GDPD4: variants seen among roughly 807,000 people sequenced by gnomAD.
The protein encoded by GDPD4 is glycerophosphodiester phosphodiesterase 6.
In GDPD4, 60 loss-of-function variants were observed where a neutral mutation model predicts 67.8. That is an observed-to-expected ratio of 0.88 (90% CI 0.72 to 1.10). The LOEUF (loss-of-function observed/expected upper bound fraction) is 1.10, where lower values mean the gene tolerates loss of function less well. Ranked by LOEUF, GDPD4 falls within the 50% of genes least tolerant of loss-of-function variation. The pLI is 0.00. For missense variants in GDPD4, 623 were observed against 613.9 expected, an observed-to-expected ratio of 1.01 and a Z score of -0.16; for synonymous variants, 212 against 210.9, an observed-to-expected ratio of 1.00 and a Z score of -0.04.
chr11:77,295,830 G>A (rs1347694561), intron 1 of GDPD4, among the ~76,000 whole-genome samples: 2 of 152,046 alleles, frequency 1.3e-5, no homozygotes, highest in African/African-American at 4.8e-5. Flanking sequence ...AAAAAGGCAG[G>A]CCACAGATTG....
chr11:77,243,952 T>C, intron 12 of GDPD4, 104 bp from the exon 13 acceptor site: 1 of 720,518 alleles, frequency 1.4e-6, no homozygotes, highest in Non-Finnish European at 2.4e-6. Flanking sequence ...GGTAGTATTC[T>C]ACAGAGAGTA....
rs1959098474 is a variant in GDPD4 at position 77,260,663 on chromosome 11, G to A, written c.708-2121C>T. Reference sequence around the variant, plus strand: ...AAACAGTGTAGAACAAAATTATAAAGGTGTAAACAAGGTATGTAAAGGAAA... The same window carrying A: ...AAACAGTGTAGAACAAAATTATAAAAGTGTAAACAAGGTATGTAAAGGAAA... On this transcript the variant is annotated intron_variant, in intron 10 of 16. Transcript: ENST00000315938. 2.6e-5 allele frequency among the ~76,000 whole-genome samples: 4 copies of A among 152,074 alleles called. No homozygotes were observed. In the South Asian group the frequency reaches 8.3e-4, roughly 32 times the overall value.
intron 7 of GDPD4, 180 bp downstream of exon 7, chr11:77,270,950 C>A: frequency 3.6e-6 from 2 of 549,626 alleles, no homozygotes; most frequent in Non-Finnish European, 6.3e-6. Context: ...TATGACAGGC[C>A]ATTGGCCACT....
chr11:77,224,752 A>G (rs988284305), intron 16 of GDPD4, among the ~76,000 whole-genome samples: 2 of 152,196 alleles, frequency 1.3e-5, no homozygotes, highest in African/African-American at 4.8e-5. Flanking sequence ...GAGATAATAC[A>G]TTTGTATAGT....
chr11:77,228,047 G>T, intron 15 of GDPD4, 131 bp from the exon 16 acceptor site: 1 of 734,482 alleles, frequency 1.4e-6, no homozygotes, highest in Non-Finnish European at 2.4e-6. Context: ...TGCCTGCAAG[G>T]ATTCCCAAAT....
At chr11:77,244,161 G>A (rs776561416) in intron 12 of GDPD4, among the ~76,000 whole-genome samples, 4 of 152,056 alleles carry the variant, frequency 2.6e-5, no homozygotes, top group Non-Finnish European at 5.9e-5. Context: ...GACTACAGGC[G>A]CCCGCTACCA....
chr11:77,239,942 A>AC (rs1958632341), intron 13 of GDPD4, among the ~76,000 whole-genome samples: 1 of 150,688 alleles, frequency 6.6e-6, no homozygotes, highest in Non-Finnish European at 1.5e-5. Flanking sequence ...AGCCTAGATG[A>AC]CGGAGCAAGA....
chr11:77,243,815 C>T lies in GDPD4; in HGVS notation c.1120G>A (p.Val374Ile), dbSNP rs779270640. Residue 374 changes from valine (V) to isoleucine (I), a missense_variant, in exon 13 of 17, where the codon GTC becomes ATC. Transcript: ENST00000315938. ...TGAAAACCAGGAGCCACGGACCTGA[C>T]GTATTGCCTATCATGAGCTGGCAAC... ...FWLPAHDRQY[V>I]RSVAPGFQHV... The T allele has an allele frequency of 3.4e-5, 55 of 1,613,502 alleles. No homozygotes were observed. In the Admixed American group the frequency reaches 6.0e-4, roughly 18 times the overall value.
chr11:77,301,240 G>GT (rs1034641290), intron 1 of GDPD4, among the ~76,000 whole-genome samples: 5 of 152,042 alleles, frequency 3.3e-5, no homozygotes, highest in African/African-American at 1.2e-4. Flanking sequence ...AACCCCTGAT[G>GT]TTTTTTCCCT....
chr11:77,263,990 C>T (rs1190225780), intron 10 of GDPD4, among the ~76,000 whole-genome samples: 1 of 152,132 alleles, frequency 6.6e-6, no homozygotes, highest in African/African-American at 2.4e-5. Context: ...CAAGATTTCT[C>T]CTATTGGTCC....
At chr11:77,260,824 G>T (rs1959101469) in intron 10 of GDPD4, among the ~76,000 whole-genome samples, 1 of 151,970 alleles carries the variant, frequency 6.6e-6, no homozygotes. Flanking sequence ...AAAGAACAAT[G>T]AATTTAAAGA....
chr11:77,228,499 CA>C (rs58364800), intron 15 of GDPD4, among the ~76,000 whole-genome samples: 399 of 26,600 alleles, frequency 0.015, 3 homozygotes, highest in African/African-American at 0.05. Context: ...GACTCCGTCT[CA>C]AAAAAAAAAA....
chr11:77,259,077 C>A (rs1959062755), intron 10 of GDPD4, among the ~76,000 whole-genome samples: 1 of 152,180 alleles, frequency 6.6e-6, no homozygotes, highest in Non-Finnish European at 1.5e-5. Flanking sequence ...TGTGATCACA[C>A]AAGTGATTCT....
chr11:77,289,172 G>T (rs1342288737), intron 1 of GDPD4, among the ~76,000 whole-genome samples: 1 of 152,038 alleles, frequency 6.6e-6, no homozygotes, highest in Non-Finnish European at 1.5e-5. Flanking sequence ...GACCAGCTTG[G>T]CCAACATGAT....
At chr11:77,260,615 C>G (rs1230421717) in intron 10 of GDPD4, among the ~76,000 whole-genome samples, 2 of 151,918 alleles carry the variant, frequency 1.3e-5, no homozygotes, top group African/African-American at 4.8e-5. Flanking sequence ...AAAGAGATGA[C>G]AGAATTCATA....
rs541941633 is a variant in GDPD4 at position 77,299,035 on chromosome 11, T to TA, written c.-254+2569dup. Reference sequence around the variant, plus strand: ...CCCTTAGACAGGAATTTGGACAAGATAAAAAAAAATCAGCGTTTAGTCCTC... The same window carrying TA: ...CCCTTAGACAGGAATTTGGACAAGATAAAAAAAAAATCAGCGTTTAGTCCTC... On this transcript the variant is annotated intron_variant, in intron 1 of 16. Transcript: ENST00000315938. 4.1e-4 allele frequency among the ~76,000 whole-genome samples: 62 copies of TA among 151,224 alleles called. 1 individual carries two copies. The highest frequency in any genetic ancestry group is 2.3e-3 in the South Asian group (11 of 4,784).
chr11:77,274,374 G>A (rs1591567697), intron 5 of GDPD4, among the ~76,000 whole-genome samples: 1 of 152,270 alleles, frequency 6.6e-6, no homozygotes, highest in African/African-American at 2.4e-5. Context: ...GGGCATAGTG[G>A]GAGGTGTTTG....
intron 1 of GDPD4, among the ~76,000 whole-genome samples, chr11:77,292,687 A>C (rs1319965476): frequency 6.6e-6 from 1 of 152,186 alleles, no homozygotes; most frequent in African/African-American, 2.4e-5. Flanking sequence ...AAAACTAATA[A>C]ATTTCCAACC....
intron 4 of GDPD4, among the ~76,000 whole-genome samples, chr11:77,278,207 C>T (rs770460026): frequency 2.0e-5 from 3 of 152,128 alleles, no homozygotes; most frequent in Non-Finnish European, 4.4e-5. Context: ...CCACCCGCCT[C>T]GGCCTCCCAA....
Sources: allele counts gnomAD v4.1 joint callset (sites outside exome capture counted in the v4.1 genomes callset), GRCh38; gene constraint gnomAD v4.1.1; transcripts MANE v1.5; gene names NCBI Gene and HGNC (gene_info 2026-07-23, HGNC 2026-07-21).